REPS2: variants seen among roughly 807,000 people sequenced by gnomAD.
The protein encoded by REPS2 is RALBP1 associated Eps domain containing 2, also known as ralBP1-associated Eps domain-containing protein 2.
A neutral mutation model predicts 53.6 loss-of-function variants in REPS2; 23 were observed. The ratio of observed to expected loss-of-function variants is 0.43; its 90% CI spans 0.31 to 0.61. REPS2 has a LOEUF of 0.61. Among genes scored for constraint, REPS2 ranks in the 20% least tolerant of loss-of-function variants. The pLI is 0.11. For missense variants in REPS2, 446 were observed against 534.9 expected (o/e 0.83, Z 1.64); for synonymous variants, 238 against 218.6 (o/e 1.09, Z -0.78).
Position 16,947,075 on chromosome X carries a change from G to C in REPS2, c.214G>C (p.Ala72Pro), listed in dbSNP as rs1233076416. 1.0e-5 allele frequency: 11 copies of C among 1,073,123 alleles called. No homozygotes were observed. Among genetic ancestry groups the C allele is most frequent in the Non-Finnish European group, 1.2e-5 (10 of 831,622 alleles). The allele number at this position is 1,073,123 out of a possible 1,213,427, so 88.4% of individuals were successfully genotyped here. The stretch of plus-strand genomic sequence containing the variant: ...CGCCCCCGGCACGGCCACTGCGGCC[G>C]CCGGCCCCGTGGCTGACCTGTTTCG... ...RVAPGTATAA[A>P]GPVADLFRAS... Residue 72 changes from alanine to proline, a missense_variant, in exon 1 of 18, where the codon GCC (alanine) becomes CCC (proline). Transcript: ENST00000357277.
the REPS2 span, among the ~76,000 whole-genome samples, chrX:17,170,631 AAATG>A: frequency 8.9e-6 from 1 of 112,499 alleles, no homozygotes; most frequent in African/African-American, 3.2e-5. Context: ...AATCTAAACA[AAATG>A]GATACCACCA....
chrX:16,981,607 C>T (rs1346081815), intron 1 of REPS2, among the ~76,000 whole-genome samples: 2 of 112,233 alleles, frequency 1.8e-5, no homozygotes, highest in African/African-American at 3.2e-5. Flanking sequence ...CATTTTTATT[C>T]CCCAGCACAT....
intron 14 of REPS2, among the ~76,000 whole-genome samples, chrX:17,106,658 C>T (rs895009290): frequency 9.0e-6 from 1 of 111,233 alleles, no homozygotes; most frequent in Admixed American, 9.6e-5. Flanking sequence ...TCGTGATCCA[C>T]CTGCCTCGGC....
At chrX:17,146,355 TC>T (rs2063515145) in intron 17 of REPS2, among the ~76,000 whole-genome samples, 1 of 110,334 alleles carries the variant, frequency 9.1e-6, no homozygotes, top group Admixed American at 9.6e-5. Flanking sequence ...TGAATATCCT[TC>T]CCCCCATATC....
In REPS2 at chrX:17,025,166, C is replaced by T. The variant is rs753205085; in HGVS notation, c.654C>T (p.Ser218=). The part of the protein sequence containing the change: ...LSHGYSKLRS[S]AEQMHPAPYE... ...ATGGCTACAGCAAACTGCGGAGCAG[C>T]GCAGAACAGATGCATCCAGGTAAGA... The change falls in exon 4 of 18, where the codon AGC becomes AGT. Residue 218 remains serine, a synonymous_variant. Transcript: ENST00000357277. 9.1e-6 allele frequency: 11 copies of T among 1,211,260 alleles called. No homozygotes were observed. In the Admixed American group the frequency reaches 1.3e-4, roughly 14 times the overall value.
At chrX:17,038,700 T>A (rs1412548753) in intron 5 of REPS2, among the ~76,000 whole-genome samples, 1 of 112,290 alleles carries the variant, frequency 8.9e-6, no homozygotes, top group Non-Finnish European at 1.9e-5. Flanking sequence ...GGACTTATGC[T>A]GACGGGTGGA....
the REPS2 span, among the ~76,000 whole-genome samples, chrX:17,159,924 G>A: frequency 8.9e-6 from 1 of 112,179 alleles, no homozygotes; most frequent in Non-Finnish European, 1.9e-5. Flanking sequence ...ATCCAGTGAT[G>A]TCTAAAATCC....
chrX:17,069,541 G>C (rs1273349997), intron 10 of REPS2, among the ~76,000 whole-genome samples: 3 of 112,075 alleles, frequency 2.7e-5, no homozygotes, highest in Non-Finnish European at 5.6e-5. Flanking sequence ...TCTCCTAACT[G>C]CACAGTGGAA....
At chrX:17,093,199 T>TAA (rs1308205436) in intron 13 of REPS2, among the ~76,000 whole-genome samples, 1 of 10,401 alleles carries the variant, frequency 9.6e-5, no homozygotes. Context: ...TATATATATA[T>TAA]AATTTTTTTT....
At chrX:17,037,255 G>T (rs888472264) in intron 5 of REPS2, among the ~76,000 whole-genome samples, 11 of 110,574 alleles carry the variant, frequency 9.9e-5, no homozygotes, top group African/African-American at 3.3e-4. Flanking sequence ...TATTTTCTCA[G>T]TGCCAATCTT....
At chrX:17,076,647 T>TA (rs1402603872) in intron 12 of REPS2, among the ~76,000 whole-genome samples, 4 of 112,261 alleles carry the variant, frequency 3.6e-5, no homozygotes, top group African/African-American at 1.3e-4. Flanking sequence ...TTACCAGAGT[T>TA]ACAATCTCAG....
intron 1 of REPS2, among the ~76,000 whole-genome samples, chrX:16,962,785 T>C (rs1482395847): frequency 8.9e-6 from 1 of 112,279 alleles, no homozygotes; most frequent in African/African-American, 3.2e-5. Context: ...GTTAAAGTTA[T>C]GCCATAAAAA....
In REPS2 at chrX:17,128,622, GA is replaced by G. The variant is rs772069744; in HGVS notation, c.1579-5195del. Among the ~76,000 whole-genome samples, 59 of 111,712 alleles carry G rather than the reference GA, an allele frequency of 5.3e-4. 1 individual carries two copies. The East Asian group carries it at 0.013, about 24-fold the overall frequency. Reference sequence around the variant, plus strand: ...ATGGTCCCTGACATACCAGAGGTACGAAAAAAATATCTGTGTAATTGAATAA... The same window carrying G: ...ATGGTCCCTGACATACCAGAGGTACGAAAAAATATCTGTGTAATTGAATAA... On this transcript the variant is annotated intron_variant, in intron 14 of 17. Coordinates refer to ENST00000357277, the MANE Select transcript of REPS2 (RefSeq NM_004726.3).
chrX:17,171,362 C>T, the REPS2 span, among the ~76,000 whole-genome samples: 4 of 111,621 alleles, frequency 3.6e-5, no homozygotes, highest in Admixed American at 2.8e-4. Flanking sequence ...ATGGCCAGTT[C>T]CAACCACCCC....
At chrX:16,990,592 A>G (rs1281899909) in intron 1 of REPS2, among the ~76,000 whole-genome samples, 17 of 106,990 alleles carry the variant, frequency 1.6e-4, no homozygotes, top group Non-Finnish European at 1.2e-4. Flanking sequence ...CCTGGGCAAC[A>G]GAGCAAGACT....
intron 1 of REPS2, among the ~76,000 whole-genome samples, chrX:16,961,587 G>A (rs893448926): frequency 6.3e-4 from 71 of 111,882 alleles, no homozygotes; most frequent in African/African-American, 2.2e-3. Flanking sequence ...CCTTGGCAAT[G>A]ATTTTTTAGA....
chrX:16,965,341 G>T (rs1285840055), intron 1 of REPS2, among the ~76,000 whole-genome samples: 542 of 83,523 alleles, frequency 6.5e-3, no homozygotes, highest in East Asian at 0.017. Context: ...CCTCCCGGAC[G>T]GGGCGGCTGG....
At chrX:17,046,566 G>C (rs757439846) in intron 5 of REPS2, among the ~76,000 whole-genome samples, 43 of 111,944 alleles carry the variant, frequency 3.8e-4, no homozygotes, top group Non-Finnish European at 6.4e-4. Context: ...GGGAGGGATA[G>C]AACAAAGGCC....
At chrX:17,025,777 G>A (rs1022985948) in intron 4 of REPS2, among the ~76,000 whole-genome samples, 1 of 111,576 alleles carries the variant, frequency 9.0e-6, no homozygotes, top group African/African-American at 3.3e-5. Flanking sequence ...GGTAAAATAC[G>A]TTAGTTCTGA....
Sources: gnomAD v4.1 joint callset for allele counts (sites outside exome capture counted in the v4.1 genomes callset) on GRCh38, gnomAD v4.1.1 for gene constraint, MANE v1.5 for transcripts, NCBI Gene and HGNC (gene_info 2026-07-23, HGNC 2026-07-21) for gene names.